The following IGLON5 variants were observed in gnomAD, a reference collection of about 807,000 sequenced individuals.
The protein encoded by IGLON5 is Ig-like domain-containing protein ENSP00000270642.
A neutral mutation model predicts 38.2 loss-of-function variants in IGLON5; 16 were observed. That is an observed-to-expected ratio of 0.42 (90% CI 0.28 to 0.64). IGLON5 has a LOEUF of 0.64. Ranked by LOEUF, IGLON5 falls within the 30% of genes least tolerant of loss-of-function variation. IGLON5 has a pLI of 0.23. For missense variants in IGLON5, 366 were observed against 483.4 expected (o/e 0.76, Z 2.28); for synonymous variants, 207 against 216.4 (o/e 0.96, Z 0.38).
intron 1 of IGLON5, among the ~76,000 whole-genome samples, chr19:51,320,049 ACG>A (rs1985015718): frequency 7.5e-6 from 1 of 133,638 alleles, no homozygotes; most frequent in South Asian, 2.3e-4. Context: ...GTGTGTGTGC[ACG>A]CGCGTGCACG....
chr19:51,328,339 C>CAAA lies in IGLON5; in HGVS notation c.923-319_923-317dup, dbSNP rs767807401. 1.3e-3 allele frequency among the ~76,000 whole-genome samples: 161 copies of CAAA among 124,158 alleles called. 3 individuals are homozygous for CAAA. The highest frequency in any genetic ancestry group is 5.2e-3 in the African/African-American group (150 of 29,122). The allele number at this position is 124,158 out of a possible 152,430, so 81.5% of individuals were successfully genotyped here. A position where few individuals can be genotyped will look rare whatever the true frequency, so the allele number is the denominator to read the frequency against. On this transcript the variant is annotated intron_variant, in intron 7 of 7. Coordinates refer to ENST00000270642, the MANE Select transcript of IGLON5 (RefSeq NM_001101372.3). ...CAACATGGTGAAACTATGTCTCTAC[C>CAAA]AAAAAAAAAAAAAAATACAAAAATT...
chr19:51,313,136 C>A (rs983837631), intron 1 of IGLON5, among the ~76,000 whole-genome samples: 1 of 152,200 alleles, frequency 6.6e-6, no homozygotes, highest in Non-Finnish European at 1.5e-5. Context: ...AGACACCAGT[C>A]ACACAAACAC....
intron 1 of IGLON5, among the ~76,000 whole-genome samples, chr19:51,313,671 C>T (rs1363931257): frequency 8.5e-5 from 6 of 70,286 alleles, no homozygotes; most frequent in Admixed American, 5.8e-4. Context: ...TTCTTTCTTT[C>T]TTTCTTTCTT....
chr19:51,329,276 C>A lies in IGLON5; in HGVS notation c.*517C>A, dbSNP rs1985293394. On this transcript the variant is annotated 3_prime_UTR_variant, in exon 8 of 8. Coordinates refer to ENST00000270642, the MANE Select transcript of IGLON5 (RefSeq NM_001101372.3). The surrounding 1 kb of genome is among the most constrained non-coding windows in gnomAD (Gnocchi z 4.3). ...AGTGGAAGCTGTGAAGAGAGGCTTA[C>A]CAGGCTCCCTGCTTCCCCAATATAT... The A allele has an allele frequency of 6.6e-6, 1 of 152,400 alleles. No individual in the cohort carries two copies. The highest frequency in any genetic ancestry group is 2.4e-5 in the African/African-American group (1 of 41,420). 9.4% of individuals were successfully genotyped at this position (152,400 alleles called of 1,614,324 possible). A position where few individuals can be genotyped will look rare whatever the true frequency, so the allele number is the denominator to read the frequency against.
intron 1 of IGLON5, among the ~76,000 whole-genome samples, chr19:51,313,003 A>G (rs1406015787): frequency 6.6e-6 from 1 of 152,170 alleles, no homozygotes; most frequent in African/African-American, 2.4e-5. Flanking sequence ...TCCCCTGAAC[A>G]AAGAGTTCCA....
rs754762412 is a variant in IGLON5, at chr19:51,326,886, G to A, written c.634G>A (p.Val212Ile). The change falls in exon 5 of 8, where the codon GTC (valine) becomes ATC (isoleucine). Residue 212 changes from valine to isoleucine, a missense_variant. By Grantham distance (29) the Val-to-Ile change is conservative. Coordinates refer to ENST00000270642, the MANE Select transcript of IGLON5 (RefSeq NM_001101372.3). ...NSAPDSRRVLVTVNYPPTITD... is the reference protein window; with the variant it reads ...NSAPDSRRVLITVNYPPTITD... ...GGCGCCCGACAGCCGCCGCGTGCTG[G>A]TCACAGTCAACTGTGAGCCCCCCTG... The A allele has an allele frequency of 1.3e-6, 2 of 1,568,458 alleles. No homozygotes were observed. Among genetic ancestry groups the A allele is most frequent in the Non-Finnish European group, 1.7e-6 (2 of 1,156,738 alleles).
In IGLON5 at chr19:51,323,756, G is replaced by A. The variant is rs1260934834; in HGVS notation, c.253G>A (p.Val85Met). 1 of 1,613,942 alleles carries A rather than the reference G, an allele frequency of 6.2e-7. No homozygotes were observed. The highest frequency in any genetic ancestry group is 8.5e-7 in the Non-Finnish European group (1 of 1,179,888). Residue 85 changes from valine to methionine, a missense_variant, in exon 3 of 8, where the codon GTG becomes ATG. Transcript: ENST00000270642. ...GNDRWTSDPR[V>M]RLLINTPEEF... is the part of the protein sequence containing the mutation. ...TGACCGCTGGACCAGCGACCCGCGGGTGCGGCTGCTCATCAACACCCCCGA... is the reference window on the plus strand; with the variant it reads ...TGACCGCTGGACCAGCGACCCGCGGATGCGGCTGCTCATCAACACCCCCGA...
rs1985260677 is a variant in IGLON5 at position 51,327,981 on chromosome 19, C to T, written c.922+95C>T. On this transcript the variant is annotated intron_variant, in intron 7 of 7. Transcript: ENST00000270642. This position sits in a 1 kb window ranked among gnomAD's most constrained non-coding sequence, Gnocchi z 7.1. ...GCCGGGACCGCCCTTCAGGCTGGCC[C>T]TGAACTTAGGAGATGGACGCTGAGA... is the stretch of plus-strand genomic sequence containing the variant. The T allele has an allele frequency of 7.6e-7, 1 of 1,315,372 alleles. No homozygotes were observed. Among genetic ancestry groups the T allele is most frequent in the African/African-American group, 1.5e-5 (1 of 64,962 alleles). 81.5% of individuals were successfully genotyped at this position (1,315,372 alleles called of 1,614,324 possible).
At position 51,311,932 on chromosome 19, in the gene IGLON5, G is replaced by A; in HGVS notation, c.79+6G>A. 1.5e-6 allele frequency: 2 copies of A among 1,322,278 alleles called. No homozygotes were observed. Among genetic ancestry groups the A allele is most frequent in the Non-Finnish European group, 9.7e-7 (1 of 1,034,940 alleles). The allele number at this position is 1,322,278 out of a possible 1,614,324, so 81.9% of individuals were successfully genotyped here. A position where few individuals can be genotyped will look rare whatever the true frequency, so the allele number is the denominator to read the frequency against. The stretch of plus-strand genomic sequence containing the variant: ...CTTGGCCGTCATCAGCCGAGGTACC[G>A]CAGCGCCGGGGGCGGGGGGCTCGGC... On this transcript the variant is annotated splice_donor_region_variant and intron_variant, in intron 1 of 7. Coordinates refer to ENST00000270642, the MANE Select transcript of IGLON5 (RefSeq NM_001101372.3).
intron 1 of IGLON5, among the ~76,000 whole-genome samples, chr19:51,319,969 GCA>G (rs1985013164): frequency 1.3e-5 from 2 of 152,220 alleles, no homozygotes; most frequent in Admixed American, 1.3e-4. Flanking sequence ...TAAGGACATA[GCA>G]AGTGTGGGGA....
At chr19:51,321,949 C>G (rs956469023) in intron 1 of IGLON5, 115 bp from the exon 2 acceptor site, 6 of 830,030 alleles carry the variant, frequency 7.2e-6, no homozygotes, top group Middle Eastern at 6.1e-4. Flanking sequence ...TGTGTGGCAG[C>G]GGGTGCAGGA....
At chr19:51,312,316 GC>G (rs1259067281) in intron 1 of IGLON5, among the ~76,000 whole-genome samples, 1 of 151,794 alleles carries the variant, frequency 6.6e-6, no homozygotes, top group Non-Finnish European at 1.5e-5. Flanking sequence ...GGGGTGGGGG[GC>G]AGGGGATAAT....
Position 51,326,874 on chromosome 19 carries a change from C to T in IGLON5, c.622C>T (p.Arg208Cys), listed in dbSNP as rs1361591491. The T allele has an allele frequency of 5.1e-6, 8 of 1,564,746 alleles. No individual in the cohort carries two copies. Among genetic ancestry groups the T allele is most frequent in the Non-Finnish European group, 6.9e-6 (8 of 1,154,754 alleles). ...CGGGGTTAACTCGGCGCCCGACAGC[C>T]GCCGCGTGCTGGTCACAGTCAACTG... ...HNGVNSAPDS[R>C]RVLVTVNYPP... Residue 208 changes from arginine (R) to cysteine (C), a missense_variant, in exon 5 of 8, where the codon CGC becomes TGC. Arg to Cys is a radical substitution (Grantham distance 180, BLOSUM62 -3). Transcript: ENST00000270642.
At position 51,326,788 on chromosome 19, in the gene IGLON5, T is replaced by G; in HGVS notation, c.536T>G (p.Ile179Ser). The change falls in exon 5 of 8, where the codon ATC becomes AGC. Residue 179 changes from isoleucine to serine, a missense_variant. Transcript: ENST00000270642. ...LRDGFTSEGE[I>S]LEISDIQRGQ... ...GACGGCTTCACCTCGGAGGGAGAGA[T>G]CCTGGAGATCTCTGACATCCAGCGG... 2 of 1,549,500 alleles carry G rather than the reference T, an allele frequency of 1.3e-6. No homozygotes were observed. Among genetic ancestry groups the G allele is most frequent in the Non-Finnish European group, 8.7e-7 (1 of 1,146,686 alleles).
At chr19:51,313,688 T>TTTCTTTCTTTC (rs1568456757) in intron 1 of IGLON5, among the ~76,000 whole-genome samples, 8 of 81,960 alleles carry the variant, frequency 9.8e-5, no homozygotes, top group African/African-American at 1.7e-4. Context: ...TCTTTCTTTC[T>TTTCTTTCTTTC]TTCTTTCTTC....
In IGLON5 at chr19:51,325,418, T is replaced by C; in HGVS notation, c.464T>C (p.Leu155Pro). ...NEGGNVNLLC[L>P]AVGRPEPTVT... ...GGGGGCAATGTGAACCTGCTTTGCC[T>C]GGCCGTGGGGCGGCCAGAGCCCACG... The change falls in exon 4 of 8, where the codon CTG (leucine) becomes CCG (proline). Residue 155 changes from leucine (L) to proline (P), a missense_variant. Transcript: ENST00000270642. This position sits in a 1 kb window ranked among gnomAD's most constrained non-coding sequence, Gnocchi z 5.5. The C allele has an allele frequency of 6.2e-7, 1 of 1,613,788 alleles. No individual in the cohort carries two copies. The highest frequency in any genetic ancestry group is 8.5e-7 in the Non-Finnish European group (1 of 1,179,776).
intron 4 of IGLON5, among the ~76,000 whole-genome samples, chr19:51,326,011 C>T (rs1418249128): frequency 1.3e-5 from 2 of 152,166 alleles, no homozygotes; most frequent in Non-Finnish European, 2.9e-5. Context: ...AGAACCAGTG[C>T]TCAAGGTTAC....
intron 1 of IGLON5, among the ~76,000 whole-genome samples, chr19:51,315,425 A>T (rs1984893807): frequency 6.6e-6 from 1 of 152,200 alleles, no homozygotes; most frequent in Admixed American, 6.5e-5. Flanking sequence ...CAGGGCCGCT[A>T]TTCTAGACAC....
intron 1 of IGLON5, 23 bp downstream of exon 1, chr19:51,311,949 G>A: frequency 7.9e-7 from 1 of 1,259,472 alleles, no homozygotes; most frequent in South Asian, 2.2e-5. Flanking sequence ...CGGGGGCGGG[G>A]GGCTCGGCCG....
Sources: gnomAD v4.1 joint callset for allele counts (sites outside exome capture counted in the v4.1 genomes callset) on GRCh38, gnomAD v4.1.1 for gene constraint, Gnocchi (gnomAD v3.1) non-coding constraint, MANE v1.5 for transcripts, NCBI Gene and HGNC (gene_info 2026-07-23, HGNC 2026-07-21) for gene names.